Variants in NT5DC3 observed in about 807,000 individuals in gnomAD.
NT5DC3 encodes 5'-nucleotidase domain containing 3.
In NT5DC3, 42 loss-of-function variants were observed where a neutral mutation model predicts 67.8. The ratio of observed to expected loss-of-function variants is 0.62; its 90% CI spans 0.48 to 0.80. The LOEUF is 0.80. Ranked by LOEUF, NT5DC3 falls within the 30% of genes least tolerant of loss-of-function variation. The pLI is 0.00. For synonymous variants in NT5DC3, 237 were observed against 255.6 expected (o/e 0.93, Z 0.69); for missense variants, 570 against 696.4 (o/e 0.82, Z 2.04).
chr12:103,755,830 G>A, the NT5DC3 span: 31 of 965,154 alleles, frequency 3.2e-5, no homozygotes, highest in Admixed American at 1.2e-4. Flanking sequence ...AAGAGCATGG[G>A]TGCTGGACCA....
chr12:103,825,432 T>TA (rs1289491396), intron 1 of NT5DC3, among the ~76,000 whole-genome samples: 1 of 152,112 alleles, frequency 6.6e-6, no homozygotes, highest in Non-Finnish European at 1.5e-5. Flanking sequence ...AAAAAATCTT[T>TA]AAAAAAATCA....
Position 103,777,535 on chromosome 12 carries a change from T to G in NT5DC3, c.*294A>C, listed in dbSNP as rs764203408. 3 of 401,432 alleles carry G rather than the reference T, an allele frequency of 7.5e-6. No homozygotes were observed. Among genetic ancestry groups the G allele is most frequent in the Middle Eastern group, 1.3e-3 (2 of 1,552 alleles). 24.9% of individuals were successfully genotyped at this position (401,432 alleles called of 1,614,324 possible). On this transcript the variant is annotated 3_prime_UTR_variant, in exon 14 of 14. Coordinates refer to ENST00000392876, the MANE Select transcript of NT5DC3 (RefSeq NM_001031701.3). ...GCTAGAATACAGACATGGCATCAAG[T>G]GGTCTCACCTATCCCAGGAAACCTG...
chr12:103,749,341 G>A, the NT5DC3 span, among the ~76,000 whole-genome samples: 2 of 152,172 alleles, frequency 1.3e-5, no homozygotes, highest in South Asian at 2.1e-4. Context: ...GAAAAAGGAC[G>A]TCCATGGAAA....
At chr12:103,838,903 G>A (rs1253858030) in intron 1 of NT5DC3, among the ~76,000 whole-genome samples, 1 of 152,192 alleles carries the variant, frequency 6.6e-6, no homozygotes, top group Non-Finnish European at 1.5e-5. Flanking sequence ...TTTTTGAAAT[G>A]ACAAAATTTT....
the NT5DC3 span, among the ~76,000 whole-genome samples, chr12:103,756,996 AATAT>A: frequency 8.3e-4 from 47 of 56,348 alleles, 1 homozygote; most frequent in African/African-American, 2.7e-3. Context: ...AAGGAGGGAA[AATAT>A]ATATATATAT....
rs112962989 is a variant in NT5DC3 at position 103,793,548 on chromosome 12, CATG to C, written c.815-39_815-37del. The C allele has an allele frequency of 4.0e-5, 59 of 1,459,636 alleles. No homozygotes were observed. In the African/African-American group the frequency reaches 6.0e-4, roughly 15 times the overall value. The allele number at this position is 1,459,636 out of a possible 1,614,324, so 90.4% of individuals were successfully genotyped here. A position where few individuals can be genotyped will look rare whatever the true frequency, so the allele number is the denominator to read the frequency against. Reference sequence around the variant, plus strand: ...GAGAAAAATTCACACACAGATTCAGCATGATATTTGTCAATCTGCAAGTACTTT... The same window carrying C: ...GAGAAAAATTCACACACAGATTCAGCATATTTGTCAATCTGCAAGTACTTT... On this transcript the variant is annotated intron_variant, in intron 7 of 13. Transcript: ENST00000392876.
chr12:103,767,509 C>A (rs758669640), downstream of NT5DC3, among the ~76,000 whole-genome samples: 1 of 152,002 alleles, frequency 6.6e-6, no homozygotes, highest in Non-Finnish European at 1.5e-5. Flanking sequence ...CTAAGAAACA[C>A]GAAATTGTAC....
chr12:103,755,387 C>G, the NT5DC3 span: 3 of 1,614,144 alleles, frequency 1.9e-6, no homozygotes, highest in Non-Finnish European at 2.5e-6. Flanking sequence ...AACTGTGGCT[C>G]TGGTGTGGTT....
At chr12:103,760,424 C>G in the NT5DC3 span, among the ~76,000 whole-genome samples, 1 of 152,176 alleles carries the variant, frequency 6.6e-6, no homozygotes, top group Non-Finnish European at 1.5e-5. Flanking sequence ...CCACACTCAG[C>G]TGATTTTTGT....
chr12:103,767,687 G>A (rs561945381), downstream of NT5DC3, among the ~76,000 whole-genome samples: 3 of 152,088 alleles, frequency 2.0e-5, no homozygotes, highest in South Asian at 2.1e-4. Context: ...CCTCCCATTT[G>A]GACACACTGC....
intron 12 of NT5DC3, 98 bp downstream of exon 12, chr12:103,785,237 G>T: frequency 1.7e-6 from 2 of 1,185,482 alleles, no homozygotes; most frequent in Non-Finnish European, 2.5e-6. Context: ...AACAACTTAA[G>T]CCTCATATTT....
At chr12:103,825,412 TAATCTTTAAAAAA>T (rs1169763866) in intron 1 of NT5DC3, among the ~76,000 whole-genome samples, 1 of 152,172 alleles carries the variant, frequency 6.6e-6, no homozygotes, top group African/African-American at 2.4e-5. Context: ...AATGACAACC[TAATCTTTAAAAAA>T]AATCTTTAAA....
At chr12:103,816,053 C>T (rs1176643953) in intron 1 of NT5DC3, among the ~76,000 whole-genome samples, 1 of 152,064 alleles carries the variant, frequency 6.6e-6, no homozygotes, top group Non-Finnish European at 1.5e-5. Flanking sequence ...TTGCATTGAG[C>T]TCACTAAATT....
At chr12:103,808,177 C>T (rs1886882800) in intron 2 of NT5DC3, among the ~76,000 whole-genome samples, 1 of 152,174 alleles carries the variant, frequency 6.6e-6, no homozygotes, top group African/African-American at 2.4e-5. Flanking sequence ...ACCATTTCTG[C>T]TGCTACTACA....
the NT5DC3 span, among the ~76,000 whole-genome samples, chr12:103,754,104 CAACCTCCATCACT>C: frequency 6.6e-6 from 1 of 152,072 alleles, no homozygotes; most frequent in Non-Finnish European, 1.5e-5. Flanking sequence ...GCCCCTTCTC[CAACCTCCATCACT>C]AACAAATCTC....
Position 103,806,508 on chromosome 12 carries a change from T to C in NT5DC3, c.469-131A>G. 4 of 679,710 alleles carry C rather than the reference T, an allele frequency of 5.9e-6. No homozygotes were observed. The South Asian group carries it at 6.8e-5, about 12-fold the overall frequency. 42.1% of individuals were successfully genotyped at this position (679,710 alleles called of 1,614,324 possible). Reference sequence around the variant, plus strand: ...AACAAGGAAGCACACTGTATATTCCTGAAAGGGTTGCTTGTTAATTAATGT... The same window carrying C: ...AACAAGGAAGCACACTGTATATTCCCGAAAGGGTTGCTTGTTAATTAATGT... On this transcript the variant is annotated intron_variant, in intron 3 of 13. Transcript: ENST00000392876.
At chr12:103,770,345 A>T (rs1037796060), downstream of NT5DC3, 52 of 152,246 alleles carry the variant, frequency 3.4e-4, no homozygotes, top group African/African-American at 1.2e-3. Flanking sequence ...CTCAGCTACA[A>T]TTCCAATAGA....
intron 2 of NT5DC3, among the ~76,000 whole-genome samples, chr12:103,808,382 C>T (rs12422418): frequency 0.096 from 14,545 of 152,246 alleles, 972 homozygotes; most frequent in East Asian, 0.29. Context: ...TCACTAGGAC[C>T]TTCCAACTGT....
intron 2 of NT5DC3, among the ~76,000 whole-genome samples, chr12:103,808,758 A>AG (rs1280790687): frequency 6.6e-6 from 1 of 152,182 alleles, no homozygotes; most frequent in East Asian, 1.9e-4. Context: ...TGCTTACTGA[A>AG]GAGGGGCCAA....
Sources: gnomAD v4.1 joint callset for allele counts (sites outside exome capture counted in the v4.1 genomes callset) on GRCh38, gnomAD v4.1.1 for gene constraint, MANE v1.5 for transcripts, NCBI Gene and HGNC (gene_info 2026-07-23, HGNC 2026-07-21) for gene names.